Variants in SORCS2 observed in about 807,000 individuals in gnomAD.
SORCS2 encodes the protein VPS10 domain-containing receptor SorCS2.
SORCS2 carries 100 observed loss-of-function variants against 141.6 expected under a neutral mutation model. The ratio of observed to expected loss-of-function variants is 0.71; its 90% CI spans 0.60 to 0.83. The LOEUF (loss-of-function observed/expected upper bound fraction) is 0.83. Ranked by LOEUF, SORCS2 falls within the 40% of genes least tolerant of loss-of-function variation. The pLI is 0.00. For synonymous variants in SORCS2, 789 were observed against 676.9 expected (o/e 1.17, Z -2.57); for missense variants, 1,646 against 1,560.2 (o/e 1.05, Z -0.93).
At chr4:7,270,515 C>T (rs1715051067) in intron 1 of SORCS2, among the ~76,000 whole-genome samples, 1 of 152,184 alleles carries the variant, frequency 6.6e-6, no homozygotes, top group South Asian at 2.1e-4. Context: ...GGATCTGGCC[C>T]CGCAGCTACG....
chr4:7,552,803 A>G (rs572098584), intron 3 of SORCS2, among the ~76,000 whole-genome samples: 1 of 152,218 alleles, frequency 6.6e-6, no homozygotes, highest in East Asian at 1.9e-4. Context: ...GTATTTGTAC[A>G]GTCTATAAGG....
intron 1 of SORCS2, among the ~76,000 whole-genome samples, chr4:7,343,220 C>T (rs145260011): frequency 6.6e-5 from 10 of 152,314 alleles, no homozygotes; most frequent in African/African-American, 2.2e-4. Context: ...GCAGCATGGG[C>T]CTCAGGGAGT....
chr4:7,543,935 T>TCCAC (rs376317129), intron 3 of SORCS2, among the ~76,000 whole-genome samples: 1 of 40,510 alleles, frequency 2.5e-5, no homozygotes, highest in Non-Finnish European at 4.7e-5. Context: ...CATCCACCCA[T>TCCAC]CCACCCATCC....
chr4:7,726,701 G>A (rs1483201067), intron 20 of SORCS2, 79 bp from the exon 21 acceptor site: 2 of 1,545,242 alleles, frequency 1.3e-6, no homozygotes, highest in Admixed American at 3.7e-5. Flanking sequence ...CTCTCAGTGA[G>A]GCAGCGACCA....
chr4:7,531,842 C>T (rs1260017821), intron 3 of SORCS2, among the ~76,000 whole-genome samples: 3 of 152,238 alleles, frequency 2.0e-5, no homozygotes, highest in Non-Finnish European at 4.4e-5. Flanking sequence ...TGGAGGAAGG[C>T]ACCGCCTGCA....
chr4:7,592,126 G>T (rs1338379438), intron 3 of SORCS2, among the ~76,000 whole-genome samples: 8 of 152,176 alleles, frequency 5.3e-5, no homozygotes, highest in African/African-American at 1.9e-4. Context: ...CTTCGAGTTT[G>T]GCTCTCTCGA....
intron 1 of SORCS2, among the ~76,000 whole-genome samples, chr4:7,311,589 C>A (rs768461852): frequency 1.3e-5 from 2 of 152,176 alleles, no homozygotes; most frequent in African/African-American, 4.8e-5. Context: ...TTTAGTCCCC[C>A]AGTAGGTGTG....
At position 7,661,618 on chromosome 4, in the gene SORCS2, C is replaced by A. The variant is rs1171674061; in HGVS notation, c.952+54C>A. 2.0e-6 allele frequency: 3 copies of A among 1,489,632 alleles called. No homozygotes were observed. In the East Asian group the frequency reaches 7.4e-5, roughly 37 times the overall value. 92.3% of individuals were successfully genotyped at this position (1,489,632 alleles called of 1,614,324 possible). Reference sequence around the variant, plus strand: ...TATCCCTGAGTCACCTCGCACCCGACACAGCTCGGCTGCACGTGTGTTCAG... The same window carrying A: ...TATCCCTGAGTCACCTCGCACCCGAAACAGCTCGGCTGCACGTGTGTTCAG... On this transcript the variant is annotated intron_variant, in intron 6 of 26. Transcript: ENST00000507866.
chr4:7,580,019 T>G (rs1311961490), intron 3 of SORCS2, among the ~76,000 whole-genome samples: 1 of 152,160 alleles, frequency 6.6e-6, no homozygotes, highest in Non-Finnish European at 1.5e-5. Context: ...CAAGTAGATG[T>G]GTTTGTTTAT....
chr4:7,337,802 T>C (rs1029332508), intron 1 of SORCS2, among the ~76,000 whole-genome samples: 86 of 152,338 alleles, frequency 5.6e-4, no homozygotes, highest in African/African-American at 1.9e-3. Flanking sequence ...GAGCCGGCCC[T>C]GTGCCTTCCA....
rs528021745 is a variant in SORCS2, at chr4:7,205,824, C to T, written c.480+12698C>T. ...TTGGGAGGCAGAGGCGGGTGGATCA[C>T]GTGAGGTCAGGAAGTTTGAGACCAG... is the stretch of plus-strand genomic sequence containing the variant. On this transcript the variant is annotated intron_variant, in intron 1 of 26. Coordinates refer to ENST00000507866, the MANE Select transcript of SORCS2 (RefSeq NM_020777.3). 2.4e-4 allele frequency among the ~76,000 whole-genome samples: 37 copies of T among 152,248 alleles called. No individual in the cohort carries two copies. In the East Asian group the frequency reaches 6.2e-3, roughly 25 times the overall value.
chr4:7,321,476 C>G (rs1718890272), intron 1 of SORCS2, among the ~76,000 whole-genome samples: 1 of 152,250 alleles, frequency 6.6e-6, no homozygotes, highest in Non-Finnish European at 1.5e-5. Flanking sequence ...TCTACACCAA[C>G]AATGCCCAGG....
intron 3 of SORCS2, among the ~76,000 whole-genome samples, chr4:7,599,201 C>A (rs1717488588): frequency 2.0e-5 from 3 of 152,124 alleles, no homozygotes; most frequent in African/African-American, 7.2e-5. Flanking sequence ...CTCTTGAGTT[C>A]CTGAGTGAAG....
At chr4:7,629,570 G>C (rs34339711) in intron 3 of SORCS2, among the ~76,000 whole-genome samples, 22 of 138,438 alleles carry the variant, frequency 1.6e-4, no homozygotes, top group African/African-American at 2.2e-4. Context: ...AACCCCCCTC[G>C]CTCCCCACCC....
chr4:7,557,790 G>A (rs1714245979), intron 3 of SORCS2, among the ~76,000 whole-genome samples: 1 of 152,220 alleles, frequency 6.6e-6, no homozygotes, highest in Admixed American at 6.5e-5. Flanking sequence ...CCGATGTGAT[G>A]CCTTCCTTGG....
intron 20 of SORCS2, 78 bp downstream of exon 20, chr4:7,725,365 C>T (rs1476427402): frequency 2.6e-6 from 4 of 1,517,902 alleles, no homozygotes; most frequent in Non-Finnish European, 3.5e-6. Context: ...GAGCATGGCC[C>T]CAGGTTTTCA....
rs569296742 is a variant in SORCS2 at position 7,421,026 on chromosome 4, C to T, written c.548+24671C>T. ...ACTGGTGTTTGGTTCTGCCCTCCTCCTTGGAGATGGAGACCCGGGCCTGGT... is the reference window on the plus strand; with the variant it reads ...ACTGGTGTTTGGTTCTGCCCTCCTCTTTGGAGATGGAGACCCGGGCCTGGT... On this transcript the variant is annotated intron_variant, in intron 2 of 26. Coordinates refer to ENST00000507866, the MANE Select transcript of SORCS2 (RefSeq NM_020777.3). Among the ~76,000 whole-genome samples, 4 of 152,314 alleles carry T rather than the reference C, an allele frequency of 2.6e-5. No homozygotes were observed. The East Asian group carries it at 5.8e-4, about 22-fold the overall frequency.
intron 3 of SORCS2, among the ~76,000 whole-genome samples, chr4:7,555,634 T>C (rs1714052358): frequency 6.6e-6 from 1 of 152,220 alleles, no homozygotes; most frequent in South Asian, 2.1e-4. Context: ...GAAACTGACG[T>C]TGATTTAAAA....
chr4:7,524,895 T>C (rs1486089896), intron 2 of SORCS2, among the ~76,000 whole-genome samples: 2 of 151,988 alleles, frequency 1.3e-5, no homozygotes, highest in Non-Finnish European at 2.9e-5. Context: ...GAGAGAAACA[T>C]GCTCCCCATA....
Sources: allele counts gnomAD v4.1 joint callset (sites outside exome capture counted in the v4.1 genomes callset), GRCh38; gene constraint gnomAD v4.1.1; transcripts MANE v1.5; gene names NCBI Gene and HGNC (gene_info 2026-07-23, HGNC 2026-07-21).